PKN2: variants seen among roughly 807,000 people sequenced by gnomAD.
PKN2 encodes serine/threonine-protein kinase N2.
PKN2 carries 38 observed loss-of-function variants against 119.1 expected under a neutral mutation model. That is an observed-to-expected ratio of 0.32 (90% CI 0.25 to 0.42). PKN2 has a LOEUF of 0.42. Ranked by LOEUF, PKN2 falls within the 10% of genes least tolerant of loss-of-function variation. The pLI is 1.00. For missense variants in PKN2, 850 were observed against 1,165.1 expected (o/e 0.73, Z 3.94); for synonymous variants, 390 against 384.9 (o/e 1.01, Z -0.15).
chr1:88,797,165 C>T (rs1016241049), intron 8 of PKN2, among the ~76,000 whole-genome samples: 3 of 151,772 alleles, frequency 2.0e-5, no homozygotes, highest in Non-Finnish European at 4.4e-5. Context: ...GAAACCCCAT[C>T]TCTACTAAAA....
At chr1:88,753,265 A>G (rs1470120101) in intron 2 of PKN2, among the ~76,000 whole-genome samples, 1 of 152,184 alleles carries the variant, frequency 6.6e-6, no homozygotes, top group Non-Finnish European at 1.5e-5. Flanking sequence ...CTTTAAAATC[A>G]CTGAAATCTA....
At chr1:88,724,884 T>G (rs76537645) in intron 1 of PKN2, among the ~76,000 whole-genome samples, 5 of 136,072 alleles carry the variant, frequency 3.7e-5, no homozygotes, top group East Asian at 2.1e-4. Context: ...ACCCCTTGGT[T>G]TTTTTTTTTT....
At chr1:88,751,994 C>CA (rs1669020034) in intron 2 of PKN2, among the ~76,000 whole-genome samples, 1 of 152,058 alleles carries the variant, frequency 6.6e-6, no homozygotes, top group African/African-American at 2.4e-5. Context: ...GTGTTCTGGA[C>CA]TTGGAGTATA....
intron 6 of PKN2, among the ~76,000 whole-genome samples, chr1:88,779,063 T>C (rs1214528144): frequency 6.6e-6 from 1 of 151,994 alleles, no homozygotes; most frequent in Non-Finnish European, 1.5e-5. Context: ...AAGCTGTTGG[T>C]GTTAGTATTT....
intron 6 of PKN2, among the ~76,000 whole-genome samples, chr1:88,776,824 C>T (rs1670129231): frequency 6.6e-6 from 1 of 151,582 alleles, no homozygotes; most frequent in Admixed American, 6.6e-5. Context: ...ACTGAGGATC[C>T]CTTGTAAGTG....
intron 15 of PKN2, among the ~76,000 whole-genome samples, chr1:88,812,092 A>T (rs1367655250): frequency 2.6e-5 from 4 of 152,214 alleles, no homozygotes; most frequent in African/African-American, 9.7e-5. Context: ...TAGGGACAAT[A>T]CACAGTTTAG....
At position 88,701,166 on chromosome 1, in the gene PKN2, G is replaced by A. The variant is rs528374945; in HGVS notation, c.48+16538G>A. On this transcript the variant is annotated intron_variant, in intron 1 of 21. Transcript: ENST00000370521. ...TCGTTAAAACAACTCAGTTGAGGCC[G>A]GGTGCAGTGGCTCATGCCTGTAATC... Among the ~76,000 whole-genome samples the A allele has an allele frequency of 2.6e-5, 4 of 152,242 alleles. No homozygotes were observed. In the South Asian group the frequency reaches 6.2e-4, roughly 24 times the overall value.
chr1:88,727,011 A>G (rs1473332585), intron 1 of PKN2, among the ~76,000 whole-genome samples: 2 of 151,928 alleles, frequency 1.3e-5, no homozygotes, highest in African/African-American at 2.4e-5. Flanking sequence ...TACTACTTCT[A>G]TCTGTCTGAG....
intron 11 of PKN2, 39 bp downstream of exon 11, chr1:88,805,710 T>C: frequency 6.2e-7 from 1 of 1,608,342 alleles, no homozygotes; most frequent in South Asian, 1.1e-5. Context: ...TATACAAAGT[T>C]ATTGGGACAT....
chr1:88,701,077 GATA>G (rs1281864888), intron 1 of PKN2, among the ~76,000 whole-genome samples: 17 of 152,092 alleles, frequency 1.1e-4, no homozygotes, highest in Admixed American at 2.0e-4. Context: ...AACAGAAGTA[GATA>G]ATAATAGTAA....
intron 19 of PKN2, among the ~76,000 whole-genome samples, chr1:88,832,373 TA>T (rs1213597793): frequency 6.6e-6 from 1 of 151,988 alleles, no homozygotes; most frequent in Non-Finnish European, 1.5e-5. Context: ...TGTTAGACAC[TA>T]AAAATTGACT....
At chr1:88,704,549 G>T (rs1477338136) in intron 1 of PKN2, among the ~76,000 whole-genome samples, 1 of 152,090 alleles carries the variant, frequency 6.6e-6, no homozygotes, top group East Asian at 1.9e-4. Flanking sequence ...CATGTTTTGA[G>T]TTTTTAAAAA....
At chr1:88,815,253 A>G (rs186158105) in intron 16 of PKN2, among the ~76,000 whole-genome samples, 18 of 152,342 alleles carry the variant, frequency 1.2e-4, no homozygotes, top group African/African-American at 1.7e-4. Context: ...AAATAAAACC[A>G]TAAAGTCCAG....
intron 1 of PKN2, among the ~76,000 whole-genome samples, chr1:88,704,758 G>GCAA (rs1161481092): frequency 1.6e-5 from 2 of 128,260 alleles, no homozygotes; most frequent in Non-Finnish European, 3.2e-5. Context: ...TCCAGCCCAG[G>GCAA]CAACAGCAAG....
chr1:88,782,178 C>T (rs9803685), intron 6 of PKN2, among the ~76,000 whole-genome samples: 7,833 of 152,100 alleles, frequency 0.051, 387 homozygotes, highest in African/African-American at 0.12. Context: ...GAGAGATCTC[C>T]TGCCATCTTA....
intron 1 of PKN2, among the ~76,000 whole-genome samples, chr1:88,711,704 T>G (rs1667241178): frequency 6.6e-6 from 1 of 152,310 alleles, no homozygotes; most frequent in African/African-American, 2.4e-5. Context: ...TTTACAATTG[T>G]AGGTAGAAAT....
chr1:88,815,164 G>T (rs921558599), intron 16 of PKN2, among the ~76,000 whole-genome samples: 13 of 152,088 alleles, frequency 8.5e-5, no homozygotes, highest in Non-Finnish European at 4.4e-5. Flanking sequence ...TTTTATGCTT[G>T]TTTTTGTTTT....
chr1:88,806,342 G>A (rs1303655874), intron 12 of PKN2: 2 of 282,264 alleles, frequency 7.1e-6, no homozygotes, highest in Non-Finnish European at 1.4e-5. Flanking sequence ...GCTAATTTTT[G>A]TATTTTCAGT....
chr1:88,721,868 A>G (rs555604916), intron 1 of PKN2, among the ~76,000 whole-genome samples: 5 of 152,216 alleles, frequency 3.3e-5, no homozygotes, highest in Admixed American at 6.5e-5. Flanking sequence ...CTACCACTCT[A>G]TGTGAGTGTG....
Sources: gnomAD v4.1 joint callset for allele counts (sites outside exome capture counted in the v4.1 genomes callset) on GRCh38, gnomAD v4.1.1 for gene constraint, MANE v1.5 for transcripts, NCBI Gene and HGNC (gene_info 2026-07-23, HGNC 2026-07-21) for gene names.